Variants in DNAH12 observed in about 807,000 individuals in gnomAD.
DNAH12 encodes dynein axonemal heavy chain 12, also known as axonemal beta dynein heavy chain 12.
In DNAH12, 285 loss-of-function variants were observed where a neutral mutation model predicts 371.5. The observed-to-expected ratio is 0.77, with a 90% confidence interval of 0.70 to 0.85. DNAH12 has a LOEUF of 0.85. DNAH12 is among the 40% of genes least tolerant of loss of function. The pLI, the probability that DNAH12 is intolerant of heterozygous loss-of-function variation, is 0.00. For synonymous variants in DNAH12, 1,200 were observed against 1,213.0 expected, an observed-to-expected ratio of 0.99 and a Z score of 0.22; for missense variants, 3,611 against 3,689.4, an observed-to-expected ratio of 0.98 and a Z score of 0.55.
intron 18 of DNAH12, among the ~76,000 whole-genome samples, chr3:57,461,960 G>A (rs2066066838): frequency 6.6e-6 from 1 of 152,130 alleles, no homozygotes; most frequent in Non-Finnish European, 1.5e-5. Context: ...TAAAATACCT[G>A]TAGGACTTTC....
intron 2 of DNAH12, among the ~76,000 whole-genome samples, chr3:57,533,678 A>T (rs892298538): frequency 3.3e-5 from 5 of 152,024 alleles, no homozygotes; most frequent in African/African-American, 1.2e-4. Context: ...GGTTCTCATG[A>T]CTCTGCCTGG....
chr3:57,461,795 C>T (rs1217991212), intron 18 of DNAH12, 106 bp from the exon 19 acceptor site: 2 of 897,810 alleles, frequency 2.2e-6, no homozygotes, highest in African/African-American at 3.4e-5. Context: ...ATTACATTAT[C>T]ATTTCCTTAA....
intron 4 of DNAH12, among the ~76,000 whole-genome samples, chr3:57,522,987 A>G (rs1455184537): frequency 6.6e-6 from 1 of 152,134 alleles, no homozygotes; most frequent in East Asian, 1.9e-4. Flanking sequence ...GAGTTCCTTT[A>G]TAACTGCCAC....
the DNAH12 span, among the ~76,000 whole-genome samples, chr3:57,553,267 T>A: frequency 6.6e-6 from 1 of 152,204 alleles, no homozygotes; most frequent in Non-Finnish European, 1.5e-5. Context: ...CTTTCAGATA[T>A]TGGACAGAGG....
At chr3:57,309,557 G>T in intron 68 of DNAH12, 109 bp downstream of exon 68, 1 of 1,105,144 alleles carries the variant, frequency 9.0e-7, no homozygotes, top group Non-Finnish European at 1.2e-6. Context: ...GCTTAGAGAG[G>T]CAAAGTTCTT....
chr3:57,540,267 C>T (rs2069222079), intron 2 of DNAH12, among the ~76,000 whole-genome samples: 1 of 151,548 alleles, frequency 6.6e-6, no homozygotes, highest in Non-Finnish European at 1.5e-5. Context: ...GTCAGGTTGG[C>T]CTCGTACTCC....
chr3:57,323,573 T>A lies in DNAH12; in HGVS notation c.10025A>T (p.Lys3342Met). 6.5e-7 allele frequency: 1 copy of A among 1,549,100 alleles called. No homozygotes were observed. The highest frequency in any genetic ancestry group is 8.7e-7 in the Non-Finnish European group (1 of 1,146,106). The change falls in exon 63 of 74, where the codon AAG becomes ATG. Residue 3342 changes from lysine to methionine, a missense_variant. Around this residue, in one of 3 missense-constraint regions of DNAH12, gnomAD observed 2,266 missense variants for 2,236.9 expected, o/e 1.01. Transcript: ENST00000495027. ...ATCAAATGGTGGAGGCTCTACAAAC[T>A]TTTTCCCTAGTTTGTCAGTTACATA... is the stretch of plus-strand genomic sequence containing the variant. ...TNYVTDKLGKKFVEPPPFDLT... is the reference protein window; with the variant it reads ...TNYVTDKLGKMFVEPPPFDLT...
intron 39 of DNAH12, among the ~76,000 whole-genome samples, chr3:57,412,678 A>G (rs1404415229): frequency 1.3e-5 from 2 of 152,196 alleles, no homozygotes; most frequent in African/African-American, 4.8e-5. Flanking sequence ...GCAAATAAAC[A>G]TATTAAAAGA....
intron 16 of DNAH12, 65 bp downstream of exon 16, chr3:57,470,378 C>A: frequency 1.5e-6 from 2 of 1,361,288 alleles, no homozygotes; most frequent in South Asian, 1.6e-5. Flanking sequence ...AAAAAAAAAT[C>A]AATTTATATT....
Position 57,405,643 on chromosome 3 carries a change from C to G in DNAH12, c.6576+10G>C. 1 of 1,547,872 alleles carries G rather than the reference C, an allele frequency of 6.5e-7. No homozygotes were observed. Among genetic ancestry groups the G allele is most frequent in the Non-Finnish European group, 8.7e-7 (1 of 1,144,808 alleles). On this transcript the variant is annotated intron_variant, in intron 41 of 73. Coordinates refer to ENST00000495027, the MANE Select transcript of DNAH12 (RefSeq NM_001366028.2). The stretch of plus-strand genomic sequence containing the variant: ...CTTTAACTCAATATGTTCTTAATCG[C>G]CATACTCACTGGTGCATTTTGTTTC...
At chr3:57,353,638 G>T (rs911190328) in intron 59 of DNAH12, among the ~76,000 whole-genome samples, 1 of 152,120 alleles carries the variant, frequency 6.6e-6, no homozygotes, top group Non-Finnish European at 1.5e-5. Flanking sequence ...ATCTGACAAA[G>T]ATCTAATATC....
intron 37 of DNAH12, among the ~76,000 whole-genome samples, chr3:57,417,370 G>C (rs986277598): frequency 2.0e-5 from 3 of 152,174 alleles, no homozygotes; most frequent in Non-Finnish European, 4.4e-5. Context: ...TTTGAAAACT[G>C]TTACTGAAAT....
At chr3:57,553,849 CAG>C in the DNAH12 span, among the ~76,000 whole-genome samples, 1 of 146,874 alleles carries the variant, frequency 6.8e-6, no homozygotes, top group African/African-American at 2.5e-5. Flanking sequence ...TTTTCCGAGA[CAG>C]AGTCTTGCTG....
chr3:57,385,406 A>T lies in DNAH12; in HGVS notation c.7626T>A (p.Leu2542=), dbSNP rs1407778662. 8 of 152,348 alleles carry T rather than the reference A, an allele frequency of 5.3e-5. No homozygotes were observed. Among genetic ancestry groups the T allele is most frequent in the South Asian group, 4.1e-4 (2 of 4,828 alleles). The allele number at this position is 152,348 out of a possible 1,614,324, so 9.4% of individuals were successfully genotyped here. Residue 2542 remains leucine (L), a synonymous_variant, in exon 48 of 74, where the codon CTT becomes CTA. Coordinates refer to ENST00000495027, the MANE Select transcript of DNAH12 (RefSeq NM_001366028.2). ...CCTCCAATTTGGGCTGTAATTCAAC[A>T]AGCTCCATTTGCATTTCACCAACCT... ...ESQVGEMQME[L]VELQPKLEEA... is the part of the protein sequence containing the mutation.
chr3:57,512,916 A>C (rs1185488023), intron 4 of DNAH12, among the ~76,000 whole-genome samples: 2 of 152,096 alleles, frequency 1.3e-5, no homozygotes, highest in Admixed American at 1.3e-4. Flanking sequence ...AGGCGGGTGG[A>C]TCATGAAGTC....
chr3:57,347,935 G>A (rs1465611722), intron 60 of DNAH12, among the ~76,000 whole-genome samples: 5 of 151,992 alleles, frequency 3.3e-5, no homozygotes, highest in African/African-American at 7.2e-5. Flanking sequence ...TAAATGGTAC[G>A]GCCACTCAGG....
At chr3:57,495,062 G>A (rs2067262076) in intron 11 of DNAH12, among the ~76,000 whole-genome samples, 1 of 151,896 alleles carries the variant, frequency 6.6e-6, no homozygotes, top group African/African-American at 2.4e-5. Flanking sequence ...TAATAAAAGG[G>A]TCAATCCATC....
chr3:57,302,567 ATTTTTTT>A (rs71088056), intron 69 of DNAH12, among the ~76,000 whole-genome samples: 55 of 27,440 alleles, frequency 2.0e-3, no homozygotes, highest in Non-Finnish European at 2.9e-3. Context: ...ATATATATGT[ATTTTTTT>A]TTTTTTTTTT....
chr3:57,417,428 A>G (rs2064415345), intron 37 of DNAH12, among the ~76,000 whole-genome samples: 1 of 152,206 alleles, frequency 6.6e-6, no homozygotes, highest in African/African-American at 2.4e-5. Flanking sequence ...ACCCCTGAGA[A>G]TTCATCTACA....
Sources: allele counts gnomAD v4.1 joint callset (sites outside exome capture counted in the v4.1 genomes callset), GRCh38; gene constraint gnomAD v4.1.1; regional missense constraint gnomAD v4.1.1; transcripts MANE v1.5; gene names NCBI Gene and HGNC (gene_info 2026-07-23, HGNC 2026-07-21).